GRIK2: variants seen among roughly 807,000 people sequenced by gnomAD.
GRIK2 encodes the protein glutamate ionotropic receptor kainate type subunit 2, also known as glutamate receptor ionotropic, kainate 2.
GRIK2 carries 32 observed loss-of-function variants against 100.3 expected under a neutral mutation model. The observed-to-expected ratio is 0.32, with a 90% CI of 0.24 to 0.43. GRIK2 has a LOEUF of 0.43. Among genes scored for constraint, GRIK2 ranks in the 20% least tolerant of loss-of-function variants. GRIK2 has a pLI of 1.00. For synonymous variants in GRIK2, 417 were observed against 389.4 expected, an observed-to-expected ratio of 1.07 and a Z score of -0.83; for missense variants, 843 against 1,114.9, an observed-to-expected ratio of 0.76 and a Z score of 3.47.
At chr6:102,028,607 C>CT (rs1160670595) in intron 14 of GRIK2, among the ~76,000 whole-genome samples, 1 of 150,932 alleles carries the variant, frequency 6.6e-6, no homozygotes, top group African/African-American at 2.4e-5. Context: ...TCTTACAGTG[C>CT]TTTTTTTAAG....
chr6:102,063,890 T>C, intron 16 of GRIK2: 2 of 685,732 alleles, frequency 2.9e-6, no homozygotes, highest in Admixed American at 4.8e-5. Context: ...TAATGAATTT[T>C]ATTAAGAGTT....
chr6:102,014,354 T>A (rs1342920360), intron 14 of GRIK2, among the ~76,000 whole-genome samples: 3 of 152,088 alleles, frequency 2.0e-5, no homozygotes, highest in Non-Finnish European at 4.4e-5. Flanking sequence ...TTAGTCTAGC[T>A]AGTGGTCTAT....
intron 10 of GRIK2, among the ~76,000 whole-genome samples, chr6:101,829,160 C>T (rs1782517770): frequency 1.3e-5 from 2 of 151,894 alleles, no homozygotes; most frequent in South Asian, 4.1e-4. Context: ...AAGAAAAAAA[C>T]ATATGGTCAT....
chr6:101,552,370 G>C (rs1056692319), intron 2 of GRIK2, among the ~76,000 whole-genome samples: 3 of 152,118 alleles, frequency 2.0e-5, no homozygotes, highest in African/African-American at 7.2e-5. Context: ...AAGGATCTCT[G>C]TTCCTTGCTT....
At chr6:101,585,203 G>C (rs1778298737) in intron 2 of GRIK2, among the ~76,000 whole-genome samples, 2 of 151,994 alleles carry the variant, frequency 1.3e-5, no homozygotes, top group Non-Finnish European at 2.9e-5. Flanking sequence ...TTGGTCAAAA[G>C]TTATCGAATT....
At chr6:101,902,708 A>G (rs1225118941) in intron 12 of GRIK2, among the ~76,000 whole-genome samples, 2 of 151,854 alleles carry the variant, frequency 1.3e-5, no homozygotes, top group Non-Finnish European at 2.9e-5. Context: ...AAATTTTTTT[A>G]ACTACAACAT....
In GRIK2 at chr6:102,043,395, A is replaced by AT. The variant is rs201588834; in HGVS notation, c.2311+7835dup. Reference sequence around the variant, plus strand: ...AAAGACCCTGTTCCTCTTATCTGAGATTTTTTACCCTTTGACCATCATCTC... The same window carrying AT: ...AAAGACCCTGTTCCTCTTATCTGAGATTTTTTTACCCTTTGACCATCATCTC... On this transcript the variant is annotated intron_variant, in intron 15 of 16. Coordinates refer to ENST00000369134, the MANE Select transcript of GRIK2 (RefSeq NM_021956.5). Among the ~76,000 whole-genome samples, 1,167 of 151,704 alleles carry AT rather than the reference A, an allele frequency of 7.7e-3. 14 individuals are homozygous for AT. The highest frequency in any genetic ancestry group is 0.026 in the African/African-American group (1,080 of 41,460).
intron 12 of GRIK2, among the ~76,000 whole-genome samples, chr6:101,904,157 T>C (rs1165183761): frequency 7.6e-5 from 5 of 65,742 alleles, no homozygotes; most frequent in African/African-American, 2.9e-4. Context: ...TGCTTTAACA[T>C]ATAAGTTCAC....
Position 101,760,722 on chromosome 6 carries a change from T to TTAATATATAATTATATATTTAATTATATA in GRIK2, c.952-38922_952-38921insATATAATTATATATTTAATTATATATAAT, listed in dbSNP as rs1562364917. Among the ~76,000 whole-genome samples the TTAATATATAATTATATATTTAATTATATA allele has an allele frequency of 1.5e-3, 143 of 94,740 alleles. 3 individuals are homozygous for TTAATATATAATTATATATTTAATTATATA. Among genetic ancestry groups the TTAATATATAATTATATATTTAATTATATA allele is most frequent in the African/African-American group, 7.0e-3 (132 of 18,874 alleles). The allele number at this position is 94,740 out of a possible 152,430, so 62.2% of individuals were successfully genotyped here. ...TATATAATTATATATTTAATTATAT[T>TTAATATATAATTATATATTTAATTATATA]TAATTATATAATTATATATTTAATT... is the stretch of plus-strand genomic sequence containing the variant. On this transcript the variant is annotated intron_variant, in intron 7 of 16. Transcript: ENST00000369134.
At chr6:101,805,600 A>G (rs1337671803) in intron 9 of GRIK2, among the ~76,000 whole-genome samples, 1 of 151,964 alleles carries the variant, frequency 6.6e-6, no homozygotes, top group Non-Finnish European at 1.5e-5. Flanking sequence ...TAGTAGGTTA[A>G]TCTTCTAACA....
chr6:101,485,045 A>G (rs965233434), intron 2 of GRIK2, among the ~76,000 whole-genome samples: 2 of 152,176 alleles, frequency 1.3e-5, no homozygotes, highest in Non-Finnish European at 2.9e-5. Context: ...AATACCTTTG[A>G]CTTTACAAAG....
chr6:101,588,230 C>T (rs554190878), intron 2 of GRIK2, among the ~76,000 whole-genome samples: 116 of 151,694 alleles, frequency 7.6e-4, no homozygotes, highest in African/African-American at 2.7e-3. Context: ...ATCAGGCTAT[C>T]GATAAGAAAA....
At chr6:101,619,295 C>A (rs1041908844) in intron 2 of GRIK2, among the ~76,000 whole-genome samples, 4 of 151,324 alleles carry the variant, frequency 2.6e-5, no homozygotes, top group Admixed American at 2.0e-4. Context: ...ATTTTAAACT[C>A]TGGCTTGGAT....
intron 14 of GRIK2, among the ~76,000 whole-genome samples, chr6:102,017,496 TGTTTG>T (rs1387530091): frequency 1.3e-5 from 2 of 152,146 alleles, no homozygotes; most frequent in Admixed American, 6.6e-5. Context: ...ATAGTTTTTT[TGTTTG>T]GTTTGGTTTG....
chr6:101,929,036 T>C (rs1790093098), intron 14 of GRIK2, among the ~76,000 whole-genome samples: 1 of 152,220 alleles, frequency 6.6e-6, no homozygotes, highest in Non-Finnish European at 1.5e-5. Context: ...TACGTACATT[T>C]ACTTTTGTTG....
intron 2 of GRIK2, among the ~76,000 whole-genome samples, chr6:101,563,464 T>G (rs1323973606): frequency 6.6e-6 from 1 of 152,198 alleles, no homozygotes; most frequent in African/African-American, 2.4e-5. Context: ...GCATTCATTT[T>G]AATAATTTAA....
At chr6:101,594,301 A>G (rs950353606) in intron 2 of GRIK2, among the ~76,000 whole-genome samples, 4 of 151,820 alleles carry the variant, frequency 2.6e-5, no homozygotes, top group Admixed American at 6.6e-5. Context: ...TCAGAGAGTA[A>G]ATACATCTAT....
chr6:101,923,116 G>T (rs556496100), intron 12 of GRIK2, among the ~76,000 whole-genome samples: 2 of 152,022 alleles, frequency 1.3e-5, no homozygotes, highest in African/African-American at 4.8e-5. Flanking sequence ...TTCTAAAATT[G>T]CATTAGAAAG....
At chr6:101,807,470 A>G (rs996076643) in intron 9 of GRIK2, among the ~76,000 whole-genome samples, 8 of 152,002 alleles carry the variant, frequency 5.3e-5, no homozygotes, top group African/African-American at 1.9e-4. Flanking sequence ...GAACAAGTGG[A>G]AGTTACTATT....
Sources: gnomAD v4.1 joint callset for allele counts (sites outside exome capture counted in the v4.1 genomes callset) on GRCh38, gnomAD v4.1.1 for gene constraint, MANE v1.5 for transcripts, NCBI Gene and HGNC (gene_info 2026-07-23, HGNC 2026-07-21) for gene names.